PRKG1: variants seen among roughly 807,000 people sequenced by gnomAD.
The protein encoded by PRKG1 is cGMP-dependent protein kinase 1.
In PRKG1, 35 loss-of-function variants were observed where a neutral mutation model predicts 88.1. That is an observed-to-expected ratio of 0.40 (90% CI 0.30 to 0.53). The LOEUF is 0.53. PRKG1 is among the 20% of genes least tolerant of loss of function. The pLI, the probability that PRKG1 is intolerant of heterozygous loss-of-function variation, is 0.59. For missense variants in PRKG1, 540 were observed against 839.8 expected (o/e 0.64, Z 4.41); for synonymous variants, 303 against 292.5 (o/e 1.04, Z -0.37).
intron 2 of PRKG1, among the ~76,000 whole-genome samples, chr10:51,324,610 G>A (rs1002965290): frequency 4.6e-5 from 7 of 151,842 alleles, no homozygotes; most frequent in Non-Finnish European, 8.8e-5. Context: ...GCGTGGTGGC[G>A]GGCGCCTGTA....
chr10:51,358,289 G>C (rs1202818555), intron 2 of PRKG1, among the ~76,000 whole-genome samples: 5 of 151,810 alleles, frequency 3.3e-5, no homozygotes. Flanking sequence ...AAGATACCAA[G>C]GCAATGCCTT....
intron 5 of PRKG1, among the ~76,000 whole-genome samples, chr10:52,052,413 CA>C (rs535032146): frequency 6.9e-6 from 1 of 145,616 alleles, no homozygotes; most frequent in Non-Finnish European, 1.5e-5. Flanking sequence ...CCTCTCTCTA[CA>C]AAAAAAATAA....
chr10:51,807,320 A>G (rs1474276299), intron 4 of PRKG1, among the ~76,000 whole-genome samples: 1 of 152,174 alleles, frequency 6.6e-6, no homozygotes, highest in Non-Finnish European at 1.5e-5. Flanking sequence ...TTGTAAGTGC[A>G]GGTCCTATTC....
At chr10:51,872,784 T>G (rs188703541) in intron 4 of PRKG1, among the ~76,000 whole-genome samples, 1 of 152,274 alleles carries the variant, frequency 6.6e-6, no homozygotes, top group African/African-American at 2.4e-5. Flanking sequence ...ATAAAATTAA[T>G]AAGTGTCCTT....
In PRKG1 at chr10:51,853,869, A is replaced by G. The variant is rs531179192; in HGVS notation, c.698+49179A>G. Among the ~76,000 whole-genome samples the G allele has an allele frequency of 2.0e-5, 3 of 152,144 alleles. No individual in the cohort carries two copies. In the East Asian group the frequency reaches 5.8e-4, roughly 29 times the overall value. ...AATCACACACTGGAATTTTATTGCC[A>G]TTTTGTGGGTGTTTGTAAGTTTCCT... On this transcript the variant is annotated intron_variant, in intron 4 of 17. Transcript: ENST00000373980.
At chr10:51,751,793 G>C (rs1419502565) in intron 3 of PRKG1, among the ~76,000 whole-genome samples, 1 of 151,456 alleles carries the variant, frequency 6.6e-6, no homozygotes, top group Non-Finnish European at 1.5e-5. Flanking sequence ...TTTCCAAAAG[G>C]CCAAAATTAC....
At chr10:52,129,425 C>G (rs974878626) in intron 7 of PRKG1, among the ~76,000 whole-genome samples, 14 of 152,142 alleles carry the variant, frequency 9.2e-5, no homozygotes, top group African/African-American at 3.4e-4. Context: ...TTTCTACTAT[C>G]ACTCCTAAAA....
intron 2 of PRKG1, among the ~76,000 whole-genome samples, chr10:51,160,154 C>G (rs1317813118): frequency 6.6e-6 from 1 of 152,150 alleles, no homozygotes; most frequent in African/African-American, 2.4e-5. Context: ...TTATAAGAGC[C>G]TAGCCCTCAA....
At chr10:51,223,937 T>C (rs969960028) in intron 2 of PRKG1, among the ~76,000 whole-genome samples, 3 of 152,182 alleles carry the variant, frequency 2.0e-5, no homozygotes, top group African/African-American at 7.2e-5. Flanking sequence ...TGACTGGCTC[T>C]AAGGGAAAGT....
chr10:52,009,847 G>A (rs1245300293), intron 5 of PRKG1, among the ~76,000 whole-genome samples: 1 of 152,078 alleles, frequency 6.6e-6, no homozygotes, highest in African/African-American at 2.4e-5. Flanking sequence ...GAACAGAGTA[G>A]ACAGCACAGA....
At chr10:51,766,748 C>T (rs1564638577) in intron 3 of PRKG1, among the ~76,000 whole-genome samples, 1 of 152,142 alleles carries the variant, frequency 6.6e-6, no homozygotes, top group African/African-American at 2.4e-5. Context: ...GATCGCATCT[C>T]CAAATACTAT....
At chr10:51,919,267 C>T (rs1321049100) in intron 5 of PRKG1, among the ~76,000 whole-genome samples, 2 of 152,082 alleles carry the variant, frequency 1.3e-5, no homozygotes, top group Non-Finnish European at 2.9e-5. Flanking sequence ...AATGAGCATT[C>T]CTCAAATCAG....
chr10:51,080,991 C>T (rs1844094728), intron 1 of PRKG1, among the ~76,000 whole-genome samples: 1 of 152,208 alleles, frequency 6.6e-6, no homozygotes, highest in Non-Finnish European at 1.5e-5. Flanking sequence ...ACTTCAGCTA[C>T]ACAAAACAGA....
intron 1 of PRKG1, among the ~76,000 whole-genome samples, chr10:51,021,088 T>C (rs1327859411): frequency 6.6e-6 from 1 of 152,122 alleles, no homozygotes; most frequent in East Asian, 1.9e-4. Flanking sequence ...AAGATCCCCA[T>C]AAAAATGTGC....
At chr10:52,285,862 G>T (rs138455803) in intron 14 of PRKG1, among the ~76,000 whole-genome samples, 1 of 151,990 alleles carries the variant, frequency 6.6e-6, no homozygotes, top group Non-Finnish European at 1.5e-5. Context: ...TAAAAATGCA[G>T]CAAGGGAGAT....
At chr10:51,284,051 A>G (rs1321385669) in intron 2 of PRKG1, among the ~76,000 whole-genome samples, 1 of 152,236 alleles carries the variant, frequency 6.6e-6, no homozygotes, top group African/African-American at 2.4e-5. Context: ...AAGAGATTTG[A>G]CTGTGATGCT....
intron 7 of PRKG1, among the ~76,000 whole-genome samples, chr10:52,124,450 A>G (rs1847886925): frequency 2.0e-5 from 3 of 152,160 alleles, no homozygotes; most frequent in Admixed American, 1.3e-4. Flanking sequence ...TGAAAGATTA[A>G]AAATGGTACA....
At chr10:51,445,880 T>A (rs1311959321) in intron 2 of PRKG1, among the ~76,000 whole-genome samples, 1 of 151,822 alleles carries the variant, frequency 6.6e-6, no homozygotes, top group African/African-American at 2.4e-5. Flanking sequence ...AAACTGCTCA[T>A]CTCTCTGAAG....
chr10:51,213,028 C>G (rs529967513), intron 2 of PRKG1, among the ~76,000 whole-genome samples: 30 of 151,962 alleles, frequency 2.0e-4, no homozygotes, highest in African/African-American at 7.3e-4. Context: ...ATGTTTATTG[C>G]GGCACTATTC....
Sources: allele counts gnomAD v4.1 joint callset (sites outside exome capture counted in the v4.1 genomes callset), GRCh38; gene constraint gnomAD v4.1.1; transcripts MANE v1.5; gene names NCBI Gene and HGNC (gene_info 2026-07-23, HGNC 2026-07-21).